The following UNC13A variants were observed in gnomAD, a reference collection of about 807,000 sequenced individuals.
UNC13A encodes the protein unc-13 homolog A.
In UNC13A, 61 loss-of-function variants were observed where a neutral mutation model predicts 219.7. The observed-to-expected ratio is 0.28, with a 90% CI of 0.23 to 0.34. The LOEUF (loss-of-function observed/expected upper bound fraction) is 0.34, where lower values mean the gene tolerates loss of function less well. UNC13A is among the 10% of genes least tolerant of loss of function. The pLI is 1.00. For missense variants in UNC13A, 1,476 were observed against 2,270.3 expected (o/e 0.65, Z 7.11); for synonymous variants, 920 against 884.6 (o/e 1.04, Z -0.71).
Position 17,649,123 on chromosome 19 carries a change from C to T in UNC13A, c.1525-140G>A. ...GTTGGAAACAGGTCACCGACAGCAT[C>T]CGGGCCAGACCCAACAAAGAATTAG... On this transcript the variant is annotated intron_variant, in intron 14 of 43. Coordinates refer to ENST00000519716, the MANE Select transcript of UNC13A (RefSeq NM_001080421.3). This position sits in a 1 kb window ranked among gnomAD's most constrained non-coding sequence, Gnocchi z 4.4. The T allele has an allele frequency of 8.5e-7, 1 of 1,178,936 alleles. No homozygotes were observed. The highest frequency in any genetic ancestry group is 1.2e-6 in the Non-Finnish European group (1 of 834,112). 73.0% of individuals were successfully genotyped at this position (1,178,936 alleles called of 1,614,324 possible).
intron 1 of UNC13A, among the ~76,000 whole-genome samples, chr19:17,682,115 G>A (rs1030735627): frequency 6.6e-6 from 1 of 151,994 alleles, no homozygotes; most frequent in Non-Finnish European, 1.5e-5. Context: ...ACCATACCCA[G>A]CTAATTTTTT....
chr19:17,609,850 C>T (rs1457732126), intron 43 of UNC13A, 90 bp downstream of exon 43: 11 of 1,570,200 alleles, frequency 7.0e-6, no homozygotes, highest in Non-Finnish European at 9.5e-6. Flanking sequence ...GGCCCAGATT[C>T]CAGATACCTC....
At chr19:17,669,430 AC>A (rs889460303) in intron 5 of UNC13A, 122 bp downstream of exon 5, 8 of 1,351,658 alleles carry the variant, frequency 5.9e-6, no homozygotes, top group Non-Finnish European at 7.9e-6. Flanking sequence ...GGGGCGAAGG[AC>A]CCTCATTCTC....
chr19:17,672,300 C>T, intron 4 of UNC13A, 78 bp downstream of exon 4: 2 of 1,135,666 alleles, frequency 1.8e-6, no homozygotes, highest in African/African-American at 1.5e-5. Context: ...GATAAATGCC[C>T]ATCTTGTTTA....
At position 17,606,108 on chromosome 19, in the gene UNC13A, C is replaced by T. The variant is rs1178501554; in HGVS notation, c.5058G>A (p.Lys1686=). 5.6e-6 allele frequency: 9 copies of T among 1,596,802 alleles called. No individual in the cohort carries two copies. The highest frequency in any genetic ancestry group is 7.7e-6 in the Non-Finnish European group (9 of 1,173,736). The part of the protein sequence containing the change: ...SNDEVAKEFV[K]LKSDTRSAEE... Reference sequence around the variant, plus strand: ...CGGCGGAGCGCGTGTCCGACTTGAGCTTCACGAACTCCTTGGCCACCTCGT... The same window carrying T: ...CGGCGGAGCGCGTGTCCGACTTGAGTTTCACGAACTCCTTGGCCACCTCGT... Residue 1686 remains lysine (K), a synonymous_variant, in exon 44 of 44, where the codon AAG becomes AAA. Transcript: ENST00000519716.
chr19:17,604,297 C>T lies in UNC13A; in HGVS notation c.*1757G>A, dbSNP rs1263399414. 1 of 152,232 alleles carries T rather than the reference C, an allele frequency of 6.6e-6. No individual in the cohort carries two copies. Among genetic ancestry groups the T allele is most frequent in the Admixed American group, 6.5e-5 (1 of 15,276 alleles). 9.4% of individuals were successfully genotyped at this position (152,232 alleles called of 1,614,324 possible). On this transcript the variant is annotated 3_prime_UTR_variant, in exon 44 of 44. Coordinates refer to ENST00000519716, the MANE Select transcript of UNC13A (RefSeq NM_001080421.3). ...GTCTTAGAATAAAAGTAAAACTCCT[C>T]AGGACTGCGTACGAGGCCCTGCCTG...
In UNC13A at chr19:17,649,366, T is replaced by A. The variant is rs759013727; in HGVS notation, c.1519-22A>T. ...TGGCCTGAAGTGTCCACGCAGCACA[T>A]GGGGGTAGAAATCAGACTACATTAG... On this transcript the variant is annotated intron_variant, in intron 13 of 43. Coordinates refer to ENST00000519716, the MANE Select transcript of UNC13A (RefSeq NM_001080421.3). This position sits in a 1 kb window ranked among gnomAD's most constrained non-coding sequence, Gnocchi z 4.4. 1.2e-6 allele frequency: 2 copies of A among 1,605,464 alleles called. No homozygotes were observed. Among genetic ancestry groups the A allele is most frequent in the Non-Finnish European group, 1.7e-6 (2 of 1,177,534 alleles).
At chr19:17,671,411 G>A (rs2079785204) in intron 4 of UNC13A, among the ~76,000 whole-genome samples, 1 of 152,098 alleles carries the variant, frequency 6.6e-6, no homozygotes. Flanking sequence ...CCTTCCTGGG[G>A]TCAGCATGGA....
chr19:17,628,203 G>T (rs899862883), intron 31 of UNC13A: 7 of 525,078 alleles, frequency 1.3e-5, no homozygotes, highest in African/African-American at 1.1e-4. Flanking sequence ...GTCCATGAGA[G>T]GGGCTGGGAA....
chr19:17,629,807 C>G (rs1441111800), intron 30 of UNC13A, among the ~76,000 whole-genome samples: 2 of 151,616 alleles, frequency 1.3e-5, no homozygotes, highest in East Asian at 3.9e-4. Flanking sequence ...ATTGCCAACT[C>G]GCACTAATGA....
Position 17,644,524 on chromosome 19 carries a change from T to TG in UNC13A, c.2356+1149_2356+1150insC, listed in dbSNP as rs977033482. On this transcript the variant is annotated intron_variant, in intron 19 of 43. Transcript: ENST00000519716. ...CCATTTTTTTTTTCTTTTTCTTTTGTTTTTTTTTTTTTTTTTTGAGACGGA... is the reference window on the plus strand; with the variant it reads ...CCATTTTTTTTTTCTTTTTCTTTTGTGTTTTTTTTTTTTTTTTTGAGACGGA... Among the ~76,000 whole-genome samples, 3 of 15,650 alleles carry TG rather than the reference T, an allele frequency of 1.9e-4. No homozygotes were observed. In the African/African-American group the frequency reaches 7.8e-3, roughly 41 times the overall value. 10.3% of individuals were successfully genotyped at this position (15,650 alleles called of 152,430 possible).
At chr19:17,660,420 C>T (rs1162899858) in intron 8 of UNC13A, among the ~76,000 whole-genome samples, 1 of 152,052 alleles carries the variant, frequency 6.6e-6, no homozygotes, top group African/African-American at 2.4e-5. Flanking sequence ...TTTTCAACCA[C>T]TTTTGTTTTA....
At chr19:17,686,623 G>A (rs2080117376) in intron 1 of UNC13A, among the ~76,000 whole-genome samples, 3 of 151,950 alleles carry the variant, frequency 2.0e-5, no homozygotes. Flanking sequence ...GGATGGAGGA[G>A]TTGACCTTTG....
At position 17,636,104 on chromosome 19, in the gene UNC13A, G is replaced by A. The variant is rs111508522; in HGVS notation, c.3135C>T (p.Leu1045=). ...PEEQGPSIKN[L]DFWSKLITLI... ...GGGTAATCAGCTTGGACCAGAAGTC[G>A]AGGTTCTTGATGCTGGGCCCCTGTT... Residue 1045 remains leucine, a synonymous_variant, in exon 26 of 44, where the codon CTC becomes CTT. Coordinates refer to ENST00000519716, the MANE Select transcript of UNC13A (RefSeq NM_001080421.3). 1.5e-4 allele frequency: 246 copies of A among 1,609,318 alleles called. No homozygotes were observed. The African/African-American group carries it at 2.8e-3, about 18-fold the overall frequency.
chr19:17,651,960 T>C (rs2079356845), intron 12 of UNC13A, among the ~76,000 whole-genome samples: 1 of 152,154 alleles, frequency 6.6e-6, no homozygotes. Flanking sequence ...CACTGAAGAC[T>C]AAACAACTAT....
At chr19:17,631,561 C>T (rs1172038466) in intron 28 of UNC13A, among the ~76,000 whole-genome samples, 1 of 151,884 alleles carries the variant, frequency 6.6e-6, no homozygotes, top group African/African-American at 2.4e-5. Context: ...GAAGACTAGC[C>T]ATCCTCCTGT....
At position 17,630,846 on chromosome 19, in the gene UNC13A, T is replaced by C. The variant is rs946262245; in HGVS notation, c.3429-96A>G. 3 of 1,096,582 alleles carry C rather than the reference T, an allele frequency of 2.7e-6. No homozygotes were observed. In the African/African-American group the frequency reaches 4.7e-5, roughly 17 times the overall value. The allele number at this position is 1,096,582 out of a possible 1,614,324, so 67.9% of individuals were successfully genotyped here. A position where few individuals can be genotyped will look rare whatever the true frequency, so the allele number is the denominator to read the frequency against. ...ACCCACTAACGAGTGGAGCTATGGCTGCTCCTGCTCTGCCTGGAGCTCTCC... is the reference window on the plus strand; with the variant it reads ...ACCCACTAACGAGTGGAGCTATGGCCGCTCCTGCTCTGCCTGGAGCTCTCC... On this transcript the variant is annotated intron_variant, in intron 28 of 43. Transcript: ENST00000519716.
rs1159248591 is a variant in UNC13A, at chr19:17,627,999, T to A, written c.3754-59A>T. On this transcript the variant is annotated intron_variant, in intron 31 of 43. Coordinates refer to ENST00000519716, the MANE Select transcript of UNC13A (RefSeq NM_001080421.3). The surrounding 1 kb of genome is among the most constrained non-coding windows in gnomAD (Gnocchi z 4.7). The stretch of plus-strand genomic sequence containing the variant: ...CAGGACCTCTCCCCAGAGCCTCCCC[T>A]ACCCACCGCCAGGGACCTTGGGATG... 5 of 1,494,694 alleles carry A rather than the reference T, an allele frequency of 3.3e-6. No individual in the cohort carries two copies. The highest frequency in any genetic ancestry group is 4.6e-6 in the Non-Finnish European group (5 of 1,092,420). 92.6% of individuals were successfully genotyped at this position (1,494,694 alleles called of 1,614,324 possible). A position where few individuals can be genotyped will look rare whatever the true frequency, so the allele number is the denominator to read the frequency against.
intron 19 of UNC13A, among the ~76,000 whole-genome samples, chr19:17,643,718 C>T (rs1160866948): frequency 6.6e-6 from 1 of 152,160 alleles, no homozygotes; most frequent in Non-Finnish European, 1.5e-5. Context: ...CTGTCTCTTC[C>T]TTCAAACAAG....
Sources: allele counts gnomAD v4.1 joint callset (sites outside exome capture counted in the v4.1 genomes callset), GRCh38; gene constraint gnomAD v4.1.1; non-coding constraint Gnocchi (gnomAD v3.1); transcripts MANE v1.5; gene names NCBI Gene and HGNC (gene_info 2026-07-23, HGNC 2026-07-21).